The following CADM2 variants were observed in gnomAD, a reference collection of about 807,000 sequenced individuals.
CADM2 encodes immunoglobulin superfamily member 4D.
In CADM2, 12 loss-of-function variants were observed where a neutral mutation model predicts 49.8. That is an observed-to-expected ratio of 0.24 (90% CI 0.15 to 0.39). CADM2 has a LOEUF of 0.39. Ranked by LOEUF, CADM2 falls within the 10% of genes least tolerant of loss-of-function variation. The probability of loss-of-function intolerance (pLI) is 1.00; values close to 1 mark genes in which losing one functional copy is unlikely to be tolerated. For synonymous variants in CADM2, 214 were observed against 175.4 expected, an observed-to-expected ratio of 1.22 and a Z score of -1.74; for missense variants, 378 against 492.3, an observed-to-expected ratio of 0.77 and a Z score of 2.20.
chr3:85,568,453 T>TTCTCTTTCTCTCTC (rs1559915924), intron 1 of CADM2, among the ~76,000 whole-genome samples: 388 of 27,536 alleles, frequency 0.014, 48 homozygotes, highest in African/African-American at 0.035. Context: ...CTTTCTTTCT[T>TTCTCTTTCTCTCTC]TCTTTCTTTC....
chr3:85,771,703 GAGAACAGGTCAGA>G (rs1413153609), intron 2 of CADM2, among the ~76,000 whole-genome samples: 1 of 152,004 alleles, frequency 6.6e-6, no homozygotes, highest in Non-Finnish European at 1.5e-5. Flanking sequence ...AAAAGAAATG[GAGAACAGGTCAGA>G]CATTTATGAC....
At chr3:85,868,710 C>A (rs988720336) in intron 3 of CADM2, among the ~76,000 whole-genome samples, 1 of 152,094 alleles carries the variant, frequency 6.6e-6, no homozygotes, top group African/African-American at 2.4e-5. Context: ...ATTCTGTTGT[C>A]ATAGTGTTAT....
At chr3:85,561,262 A>G (rs890714619) in intron 1 of CADM2, among the ~76,000 whole-genome samples, 1 of 152,078 alleles carries the variant, frequency 6.6e-6, no homozygotes, top group Non-Finnish European at 1.5e-5. Flanking sequence ...ATGTTCATTT[A>G]TGTTGCTTAA....
At chr3:85,248,859 T>C (rs1401488100) in intron 1 of CADM2, among the ~76,000 whole-genome samples, 1 of 152,188 alleles carries the variant, frequency 6.6e-6, no homozygotes, top group Non-Finnish European at 1.5e-5. Flanking sequence ...GTGTACTCAG[T>C]AAATCAGCTT....
intron 1 of CADM2, among the ~76,000 whole-genome samples, chr3:85,274,302 T>C (rs2043309262): frequency 6.6e-6 from 1 of 151,320 alleles, no homozygotes; most frequent in South Asian, 2.1e-4. Flanking sequence ...TCTAAAGCTG[T>C]AGGAATAGGG....
chr3:85,960,474 G>A (rs1485259974), intron 7 of CADM2, among the ~76,000 whole-genome samples: 2 of 151,846 alleles, frequency 1.3e-5, no homozygotes, highest in Non-Finnish European at 2.9e-5. Flanking sequence ...ACTAGATGAA[G>A]CATCAACTAT....
intron 1 of CADM2, among the ~76,000 whole-genome samples, chr3:85,312,709 TC>T (rs2107058429): frequency 6.6e-6 from 1 of 152,162 alleles, no homozygotes; most frequent in East Asian, 1.9e-4. Flanking sequence ...TAAAAAGAAC[TC>T]CCTAACAGCA....
At chr3:85,859,830 A>T (rs1276054317) in intron 3 of CADM2, among the ~76,000 whole-genome samples, 2 of 152,162 alleles carry the variant, frequency 1.3e-5, no homozygotes, top group Non-Finnish European at 2.9e-5. Context: ...TGAAAGAAAA[A>T]TCGTAGAATT....
chr3:85,925,191 T>C (rs1719667394), intron 6 of CADM2, among the ~76,000 whole-genome samples: 1 of 152,206 alleles, frequency 6.6e-6, no homozygotes, highest in African/African-American at 2.4e-5. Flanking sequence ...CCAAGTACTA[T>C]GGTGTCTACA....
At chr3:86,013,519 C>G (rs1164766470) in intron 8 of CADM2, 1 of 1,604,546 alleles carries the variant, frequency 6.2e-7, no homozygotes, top group Non-Finnish European at 8.5e-7. Context: ...GCAGTTAACA[C>G]GTTGTTTTCT....
intron 1 of CADM2, among the ~76,000 whole-genome samples, chr3:85,242,884 T>C (rs1252943648): frequency 6.6e-6 from 1 of 151,850 alleles, no homozygotes; most frequent in African/African-American, 2.4e-5. Context: ...GGCCTAAAAT[T>C]ACAACACATC....
intron 1 of CADM2, among the ~76,000 whole-genome samples, chr3:85,339,173 T>C (rs1240162797): frequency 3.3e-5 from 5 of 151,474 alleles, no homozygotes; most frequent in Non-Finnish European, 5.9e-5. Flanking sequence ...AGGTGAAAAG[T>C]ATTTTTCATT....
intron 1 of CADM2, among the ~76,000 whole-genome samples, chr3:85,420,922 C>T (rs2036140375): frequency 1.3e-5 from 2 of 152,098 alleles, no homozygotes; most frequent in Admixed American, 6.5e-5. Context: ...CTGTGAACCA[C>T]TGACCTCCTA....
chr3:85,284,018 G>A (rs1360593534), intron 1 of CADM2, among the ~76,000 whole-genome samples: 3 of 152,102 alleles, frequency 2.0e-5, no homozygotes, highest in Non-Finnish European at 4.4e-5. Flanking sequence ...TAATAATTTA[G>A]CAAGAGGACC....
intron 1 of CADM2, among the ~76,000 whole-genome samples, chr3:85,601,660 G>A (rs1334035859): frequency 1.3e-5 from 2 of 151,308 alleles, no homozygotes; most frequent in Non-Finnish European, 3.0e-5. Flanking sequence ...TCAGGTTAAT[G>A]AGTATTTGAA....
chr3:85,897,114 G>GACTCTT (rs1715318458), intron 5 of CADM2, among the ~76,000 whole-genome samples: 1 of 151,986 alleles, frequency 6.6e-6, no homozygotes, highest in Non-Finnish European at 1.5e-5. Context: ...TTTAGAAAAT[G>GACTCTT]ACTCTTAACA....
At chr3:85,504,759 G>A (rs2040254573) in intron 1 of CADM2, among the ~76,000 whole-genome samples, 4 of 152,312 alleles carry the variant, frequency 2.6e-5, no homozygotes, top group Admixed American at 2.6e-4. Context: ...GGGCCGCACA[G>A]GAGCCCACGG....
At chr3:85,089,610 G>GA (rs2037516693) in intron 1 of CADM2, among the ~76,000 whole-genome samples, 1 of 152,074 alleles carries the variant, frequency 6.6e-6, no homozygotes, top group Non-Finnish European at 1.5e-5. Flanking sequence ...TCAATTATTA[G>GA]AAAATAATAT....
At chr3:85,137,809 G>T (rs2039460531) in intron 1 of CADM2, among the ~76,000 whole-genome samples, 2 of 152,008 alleles carry the variant, frequency 1.3e-5, no homozygotes, top group Non-Finnish European at 2.9e-5. Context: ...AAAACATCAA[G>T]AATATTTTGG....
Sources: gnomAD v4.1 joint callset for allele counts (sites outside exome capture counted in the v4.1 genomes callset) on GRCh38, gnomAD v4.1.1 for gene constraint, MANE v1.5 for transcripts, NCBI Gene and HGNC (gene_info 2026-07-23, HGNC 2026-07-21) for gene names.